The following CSMD1 variants were observed in gnomAD, a reference collection of about 807,000 sequenced individuals.
The protein encoded by CSMD1 is CUB and Sushi multiple domains 1.
Under a neutral mutation model 417.5 loss-of-function variants are expected in CSMD1, and 213 were observed. The observed-to-expected ratio is 0.51, with a 90% CI of 0.46 to 0.57. The LOEUF is 0.57. CSMD1 is among the 20% of genes least tolerant of loss of function. The pLI is 0.00. For missense variants in CSMD1, 6,923 were observed against 4,529.7 expected (o/e 1.53, Z -15.17); for synonymous variants, 2,862 against 1,736.8 (o/e 1.65, Z -16.11).
intron 26 of CSMD1, among the ~76,000 whole-genome samples, chr8:3,282,563 A>G (rs1302236687): frequency 6.6e-6 from 1 of 152,116 alleles, no homozygotes; most frequent in African/African-American, 2.4e-5. Flanking sequence ...AACAAGAGTG[A>G]TATAATTTTG....
At chr8:4,427,130 C>T (rs896475110) in intron 2 of CSMD1, among the ~76,000 whole-genome samples, 58 of 151,446 alleles carry the variant, frequency 3.8e-4, no homozygotes, top group African/African-American at 1.3e-3. Flanking sequence ...AAAGCCTCTC[C>T]TGCCAGGTAG....
intron 3 of CSMD1, among the ~76,000 whole-genome samples, chr8:4,058,634 T>C (rs1798818272): frequency 6.7e-6 from 1 of 149,262 alleles, no homozygotes; most frequent in Admixed American, 6.8e-5. Context: ...AAGGCAGGGG[T>C]TGCAATCCTA....
intron 1 of CSMD1, among the ~76,000 whole-genome samples, chr8:4,684,553 A>C (rs1401057323): frequency 2.0e-5 from 3 of 152,216 alleles, no homozygotes. Flanking sequence ...TTTCAAATCT[A>C]GGCTTTGCCA....
chr8:3,325,428 T>G (rs1458229141), intron 23 of CSMD1, among the ~76,000 whole-genome samples: 2 of 152,270 alleles, frequency 1.3e-5, no homozygotes, highest in Non-Finnish European at 2.9e-5. Flanking sequence ...TGGATCCTCA[T>G]AATTACATTA....
At chr8:4,055,310 C>T (rs570587705) in intron 3 of CSMD1, among the ~76,000 whole-genome samples, 1 of 152,166 alleles carries the variant, frequency 6.6e-6, no homozygotes, top group South Asian at 2.1e-4. Flanking sequence ...ATTCCAATGT[C>T]TCCTTCTCTA....
chr8:3,148,965 G>C (rs905236937), intron 40 of CSMD1, among the ~76,000 whole-genome samples: 3 of 152,130 alleles, frequency 2.0e-5, no homozygotes, highest in Non-Finnish European at 4.4e-5. Context: ...ATGCCTGTTT[G>C]ATTTGAGATA....
chr8:3,556,414 T>TA (rs1349911850), intron 10 of CSMD1, among the ~76,000 whole-genome samples: 1,831 of 141,394 alleles, frequency 0.013, 122 homozygotes, highest in African/African-American at 0.047. Flanking sequence ...TATATATATA[T>TA]TCACACACAC....
intron 3 of CSMD1, among the ~76,000 whole-genome samples, chr8:4,152,755 T>C (rs529653864): frequency 6.9e-6 from 1 of 143,956 alleles, no homozygotes; most frequent in Non-Finnish European, 1.5e-5. Flanking sequence ...CATAGTAATA[T>C]ATACATATAA....
At position 3,406,197 on chromosome 8, in the gene CSMD1, T is replaced by A; in HGVS notation, c.2096A>T (p.Asp699Val). ...TCGTCCGTTTATAGGAATGCCAGGA[T>A]CATGGCACTCATTCTGACCAAATGC... ...YTTFGQNECHDPGIPINGRRF... is the reference protein window; with the variant it reads ...YTTFGQNECHVPGIPINGRRF... Residue 699 changes from aspartate (D) to valine (V), a missense_variant, in exon 15 of 70, where the codon GAT (aspartate) becomes GTT (valine). By Grantham distance (152) the Asp-to-Val change is radical (BLOSUM62 -3). Coordinates refer to ENST00000635120, the MANE Select transcript of CSMD1 (RefSeq NM_033225.6). The A allele has an allele frequency of 6.2e-7, 1 of 1,609,062 alleles. No homozygotes were observed. Among genetic ancestry groups the A allele is most frequent in the Non-Finnish European group, 8.5e-7 (1 of 1,177,490 alleles).
intron 3 of CSMD1, among the ~76,000 whole-genome samples, chr8:4,115,653 G>A (rs1239540068): frequency 6.6e-6 from 1 of 152,036 alleles, no homozygotes. Flanking sequence ...TATGTGCTTT[G>A]CCCATAATTG....
intron 5 of CSMD1, among the ~76,000 whole-genome samples, chr8:3,907,023 T>C (rs1808160202): frequency 6.6e-6 from 1 of 152,186 alleles, no homozygotes; most frequent in Non-Finnish European, 1.5e-5. Flanking sequence ...CTTTCATAGA[T>C]GAGAAAAATG....
chr8:3,861,162 T>G (rs1804677861), intron 5 of CSMD1, among the ~76,000 whole-genome samples: 10 of 152,138 alleles, frequency 6.6e-5, no homozygotes, highest in Non-Finnish European at 1.5e-5. Context: ...CTGTCCTTGG[T>G]TCCTTCATGA....
chr8:4,224,485 C>T (rs1269918049), intron 3 of CSMD1, among the ~76,000 whole-genome samples: 1 of 152,154 alleles, frequency 6.6e-6, no homozygotes. Context: ...GACCCATCTA[C>T]ACTCTCAGTT....
intron 1 of CSMD1, among the ~76,000 whole-genome samples, chr8:4,726,344 G>C (rs1362684514): frequency 6.6e-6 from 1 of 150,926 alleles, no homozygotes; most frequent in Non-Finnish European, 1.5e-5. Context: ...TTGTATTCCT[G>C]AAAGATAGTT....
intron 5 of CSMD1, among the ~76,000 whole-genome samples, chr8:3,818,242 G>C (rs991827030): frequency 1.7e-4 from 26 of 151,974 alleles, no homozygotes; most frequent in Admixed American, 1.6e-3. Flanking sequence ...GCAGCCCCTG[G>C]GTCCGTGCAG....
intron 5 of CSMD1, among the ~76,000 whole-genome samples, chr8:3,884,804 C>G (rs1028308810): frequency 1.3e-5 from 2 of 151,748 alleles, no homozygotes; most frequent in Non-Finnish European, 2.9e-5. Context: ...CCTTTTGGTA[C>G]GCTACGCAAG....
At chr8:4,518,320 T>C (rs1417895241) in intron 2 of CSMD1, among the ~76,000 whole-genome samples, 2 of 152,052 alleles carry the variant, frequency 1.3e-5, no homozygotes, top group Non-Finnish European at 2.9e-5. Context: ...AAAGCTTCCA[T>C]CTTCAGGATA....
intron 7 of CSMD1, among the ~76,000 whole-genome samples, chr8:3,674,471 A>C (rs1799265770): frequency 6.6e-6 from 1 of 152,162 alleles, no homozygotes; most frequent in African/African-American, 2.4e-5. Flanking sequence ...TATAAACAAA[A>C]AATGATCACT....
chr8:4,066,875 G>A (rs903353019), intron 3 of CSMD1, among the ~76,000 whole-genome samples: 2 of 152,146 alleles, frequency 1.3e-5, no homozygotes, highest in African/African-American at 4.8e-5. Flanking sequence ...ATTTAACACA[G>A]CCTCACAGAA....
Sources: gnomAD v4.1 joint callset for allele counts (sites outside exome capture counted in the v4.1 genomes callset) on GRCh38, gnomAD v4.1.1 for gene constraint, MANE v1.5 for transcripts, NCBI Gene and HGNC (gene_info 2026-07-23, HGNC 2026-07-21) for gene names.